The following SHANK2 variants were observed in gnomAD, a reference collection of about 807,000 sequenced individuals.
The protein encoded by SHANK2 is SH3 and multiple ankyrin repeat domains 2, also known as SH3 and multiple ankyrin repeat domains protein 2.
In SHANK2, 43 loss-of-function variants were observed where a neutral mutation model predicts 133.7. The observed-to-expected ratio is 0.32, with a 90% CI of 0.25 to 0.41. SHANK2 has a LOEUF of 0.41. Ranked by LOEUF, SHANK2 falls within the 10% of genes least tolerant of loss-of-function variation. The probability of loss-of-function intolerance (pLI) is 1.00; values close to 1 mark genes in which losing one functional copy is unlikely to be tolerated. For synonymous variants in SHANK2, 1,017 were observed against 952.8 expected, an observed-to-expected ratio of 1.07 and a Z score of -1.24; for missense variants, 1,994 against 2,235.8, an observed-to-expected ratio of 0.89 and a Z score of 2.18.
chr11:70,687,624 C>A (rs1191672059), intron 15 of SHANK2, among the ~76,000 whole-genome samples: 56 of 152,032 alleles, frequency 3.7e-4, no homozygotes, highest in Admixed American at 3.7e-3. Context: ...GGTGTGGAGG[C>A]AGAGGTCAGC....
At chr11:71,237,097 A>G (rs1954834524) in intron 1 of SHANK2, among the ~76,000 whole-genome samples, 1 of 152,198 alleles carries the variant, frequency 6.6e-6, no homozygotes. Flanking sequence ...GGCCACATCA[A>G]TAAACCCGAG....
intron 10 of SHANK2, among the ~76,000 whole-genome samples, chr11:70,931,446 C>T (rs1237181675): frequency 1.3e-5 from 2 of 152,218 alleles, no homozygotes; most frequent in African/African-American, 2.4e-5. Flanking sequence ...TCTACCCCTC[C>T]GAACAGCCCT....
intron 1 of SHANK2, among the ~76,000 whole-genome samples, chr11:71,250,295 C>T (rs1272721130): frequency 6.6e-6 from 1 of 152,228 alleles, no homozygotes; most frequent in African/African-American, 2.4e-5. Context: ...CCCAATTCTT[C>T]CTTCCAGGAA....
chr11:71,069,676 G>C (rs1281336129), intron 9 of SHANK2, among the ~76,000 whole-genome samples: 1 of 152,180 alleles, frequency 6.6e-6, no homozygotes, highest in African/African-American at 2.4e-5. Context: ...CAGGGCCCTA[G>C]AGAGACAATA....
chr11:70,713,502 G>A (rs1194572130), intron 14 of SHANK2, among the ~76,000 whole-genome samples: 1 of 152,240 alleles, frequency 6.6e-6, no homozygotes, highest in Non-Finnish European at 1.5e-5. Context: ...GTGGCTTCAT[G>A]TACGGAGCCG....
chr11:71,214,491 A>G (rs1370837638), intron 2 of SHANK2, among the ~76,000 whole-genome samples: 1 of 152,212 alleles, frequency 6.6e-6, no homozygotes, highest in Non-Finnish European at 1.5e-5. Context: ...ATTTAGCGCC[A>G]TCAGCTTTGC....
At chr11:70,618,796 A>G (rs1332525259) in intron 17 of SHANK2, among the ~76,000 whole-genome samples, 1 of 152,086 alleles carries the variant, frequency 6.6e-6, no homozygotes, top group Non-Finnish European at 1.5e-5. Flanking sequence ...AGCTTGGAAA[A>G]CTGGGCAGGT....
chr11:70,943,376 G>T (rs782668912), intron 10 of SHANK2, among the ~76,000 whole-genome samples: 86 of 152,186 alleles, frequency 5.7e-4, no homozygotes, highest in Non-Finnish European at 1.0e-3. Flanking sequence ...ACCCACTCTA[G>T]TGTCCTTAGG....
intron 2 of SHANK2, among the ~76,000 whole-genome samples, chr11:71,148,709 T>C (rs1256863470): frequency 6.6e-6 from 1 of 152,206 alleles, no homozygotes; most frequent in Admixed American, 6.5e-5. Flanking sequence ...GGTCTCTTCA[T>C]TCCCATGAAC....
intron 17 of SHANK2, among the ~76,000 whole-genome samples, chr11:70,531,806 C>T (rs1395454434): frequency 6.6e-6 from 1 of 152,108 alleles, no homozygotes; most frequent in Non-Finnish European, 1.5e-5. Context: ...TGCTGGCTGG[C>T]CCCCCACTGA....
intron 2 of SHANK2, among the ~76,000 whole-genome samples, chr11:71,222,074 C>T (rs1381681137): frequency 6.6e-6 from 1 of 152,088 alleles, no homozygotes; most frequent in Non-Finnish European, 1.5e-5. Flanking sequence ...GCACCAGGAC[C>T]AGCACCGCCT....
intron 13 of SHANK2, among the ~76,000 whole-genome samples, chr11:70,803,940 T>C (rs2135254785): frequency 6.6e-6 from 1 of 152,228 alleles, no homozygotes; most frequent in African/African-American, 2.4e-5. Flanking sequence ...AACTGTCTAC[T>C]GGGAACGTCA....
rs782353191 is a variant in SHANK2, at chr11:70,659,862, T to C, written c.2027A>G (p.Gln676Arg). 1 of 1,614,186 alleles carries C rather than the reference T, an allele frequency of 6.2e-7. No individual in the cohort carries two copies. Among genetic ancestry groups the C allele is most frequent in the Non-Finnish European group, 8.5e-7 (1 of 1,180,038 alleles). ...GAAGTCCCCGGTCCTTAGTCCGGCTTGCCACGCCACCCCACCTTCATCCAC... is the reference window on the plus strand; with the variant it reads ...GAAGTCCCCGGTCCTTAGTCCGGCTCGCCACGCCACCCCACCTTCATCCAC... ...ESVDEGGVAW[Q>R]AGLRTGDFLI... The change falls in exon 17 of 26, where the codon CAA becomes CGA. Residue 676 changes from glutamine (Q) to arginine (R), a missense_variant. This residue lies in a region of SHANK2 where 488 missense variants were observed against 642.6 expected (regional missense o/e 0.76). Coordinates refer to ENST00000601538, the MANE Select transcript of SHANK2 (RefSeq NM_012309.5).
At chr11:71,088,854 C>T (rs1951456846) in intron 8 of SHANK2, among the ~76,000 whole-genome samples, 1 of 147,520 alleles carries the variant, frequency 6.8e-6, no homozygotes, top group African/African-American at 2.5e-5. Context: ...CTGCACCACC[C>T]CACCAGAGGC....
intron 10 of SHANK2, among the ~76,000 whole-genome samples, chr11:70,954,647 G>A (rs139831745): frequency 5.3e-5 from 8 of 152,310 alleles, no homozygotes; most frequent in East Asian, 1.9e-4. Context: ...CGCCTTGCCC[G>A]GGATCCTTGA....
intron 2 of SHANK2, among the ~76,000 whole-genome samples, chr11:71,155,404 C>T (rs529330608): frequency 6.9e-6 from 1 of 144,834 alleles, no homozygotes; most frequent in Non-Finnish European, 1.5e-5. Context: ...CCCGCCCACG[C>T]TCCCAGAAGA....
intron 2 of SHANK2, among the ~76,000 whole-genome samples, chr11:71,162,032 C>T (rs1953030125): frequency 6.6e-6 from 1 of 152,202 alleles, no homozygotes; most frequent in Non-Finnish European, 1.5e-5. Context: ...GAATGAGACA[C>T]CCCTGTAGCA....
At chr11:70,926,162 C>A (rs765079747) in intron 10 of SHANK2, among the ~76,000 whole-genome samples, 1 of 151,904 alleles carries the variant, frequency 6.6e-6, no homozygotes, top group Admixed American at 6.6e-5. Context: ...AGTAACAGCA[C>A]TTTGGGAGGC....
intron 3 of SHANK2, among the ~76,000 whole-genome samples, chr11:71,135,852 G>C (rs1952429072): frequency 6.6e-6 from 1 of 152,096 alleles, no homozygotes; most frequent in South Asian, 2.1e-4. Flanking sequence ...AACCACCCAA[G>C]GCCTCACCTA....
Sources: gnomAD v4.1 joint callset for allele counts (sites outside exome capture counted in the v4.1 genomes callset) on GRCh38, gnomAD v4.1.1 for gene constraint, gnomAD v4.1.1 regional missense constraint, MANE v1.5 for transcripts, NCBI Gene and HGNC (gene_info 2026-07-23, HGNC 2026-07-21) for gene names.